The following PIN4 variants were observed in gnomAD, a reference collection of about 807,000 sequenced individuals.
PIN4 encodes peptidyl-prolyl cis-trans isomerase NIMA-interacting 4.
PIN4 carries 3 observed loss-of-function variants against 8.3 expected under a neutral mutation model. That is an observed-to-expected ratio of 0.36 (90% confidence interval 0.16 to 0.93). The LOEUF (loss-of-function observed/expected upper bound fraction) is 0.93. Ranked by LOEUF, PIN4 falls within the 40% of genes least tolerant of loss-of-function variation. The pLI is 0.44. For missense variants in PIN4, 75 were observed against 100.6 expected (o/e 0.75, Z 1.09); for synonymous variants, 18 against 32.5 (o/e 0.55, Z 1.52).
chrX:72,182,844 A>G (rs773493684), intron 1 of PIN4, among the ~76,000 whole-genome samples: 1 of 111,942 alleles, frequency 8.9e-6, no homozygotes, highest in South Asian at 3.7e-4. Context: ...TTGCTGGAGC[A>G]AAAACTCAAG....
intron 3 of PIN4, among the ~76,000 whole-genome samples, chrX:72,220,680 C>T (rs745322031): frequency 2.7e-5 from 3 of 110,208 alleles, no homozygotes; most frequent in Admixed American, 9.7e-5. Context: ...ATTCCAACCC[C>T]GCCATAAAAC....
At chrX:72,245,069 C>CAAAAAAA (rs35952560) in intron 3 of PIN4, among the ~76,000 whole-genome samples, 8 of 19,756 alleles carry the variant, frequency 4.0e-4, no homozygotes, top group African/African-American at 1.4e-3. Flanking sequence ...GAGATCCTGT[C>CAAAAAAA]AAAAAAAAAA....
At chrX:72,199,063 A>T (rs1156665118), downstream of PIN4, 1 of 108,480 alleles carries the variant, frequency 9.2e-6, no homozygotes, top group African/African-American at 3.4e-5. Context: ...AAAAAAATTT[A>T]AAGCTGAAAC....
chrX:72,194,038 G>A (rs1439056092), intron 2 of PIN4, among the ~76,000 whole-genome samples: 1 of 111,803 alleles, frequency 8.9e-6, no homozygotes, highest in Admixed American at 9.5e-5. Context: ...AATAACCTAA[G>A]GCTAATTTAA....
intron 2 of PIN4, among the ~76,000 whole-genome samples, chrX:72,193,067 T>C (rs972630488): frequency 1.8e-5 from 2 of 111,778 alleles, no homozygotes; most frequent in Admixed American, 1.9e-4. Context: ...AAACTCTTTC[T>C]GTAGCTTGGC....
intron 3 of PIN4, among the ~76,000 whole-genome samples, chrX:72,203,394 A>T (rs1003547534): frequency 8.9e-6 from 1 of 111,960 alleles, no homozygotes; most frequent in Non-Finnish European, 1.9e-5. Flanking sequence ...CCTAATTTGT[A>T]GCCAAGTCAG....
intron 3 of PIN4, among the ~76,000 whole-genome samples, chrX:72,209,475 C>T (rs185303041): frequency 8.9e-6 from 1 of 112,145 alleles, no homozygotes; most frequent in Non-Finnish European, 1.9e-5. Context: ...ATTTAGCCAC[C>T]CAAACTTCAA....
intron 3 of PIN4, among the ~76,000 whole-genome samples, chrX:72,251,268 C>A (rs2043086256): frequency 9.6e-6 from 1 of 103,653 alleles, no homozygotes; most frequent in South Asian, 4.8e-4. Context: ...GAGGCTGAGG[C>A]AGGAGAATGG....
intron 2 of PIN4, among the ~76,000 whole-genome samples, chrX:72,189,201 C>G (rs572983315): frequency 9.0e-6 from 1 of 111,142 alleles, no homozygotes; most frequent in East Asian, 2.8e-4. Flanking sequence ...AGAAATAATA[C>G]GTATTCCTTT....
intron 3 of PIN4, among the ~76,000 whole-genome samples, chrX:72,233,057 AGG>A (rs2042994919): frequency 8.9e-6 from 1 of 111,796 alleles, no homozygotes. Flanking sequence ...CCTCATCATA[AGG>A]GGGAAATGCA....
rs141564879 is a variant in PIN4, at chrX:72,228,624, C to T, written c.312+31720C>T. Among the ~76,000 whole-genome samples the T allele has an allele frequency of 7.4e-3, 831 of 111,905 alleles. 3 individuals are homozygous for T. The highest frequency in any genetic ancestry group is 0.032 in the Middle Eastern group (7 of 217). On this transcript the variant is annotated intron_variant, in intron 3 of 3. Transcript: ENST00000423432. ...AATCAACCTTGTTACAGTCCTTCAG[C>T]GGTACCCTTACGAAACTCCCATTAT...
At chrX:72,222,904 G>T (rs1278021651) in intron 3 of PIN4, among the ~76,000 whole-genome samples, 1 of 107,866 alleles carries the variant, frequency 9.3e-6, no homozygotes, top group Admixed American at 1.0e-4. Flanking sequence ...CCTGAATCCT[G>T]CCCTTTTCTT....
At chrX:72,206,924 G>T in intron 3 of PIN4, 1 of 1,210,617 alleles carries the variant, frequency 8.3e-7, no homozygotes, top group Non-Finnish European at 1.1e-6. Context: ...TATCGGAAAG[G>T]GTTCTTTTTT....
chrX:72,231,720 A>G (rs2147603333), intron 3 of PIN4, among the ~76,000 whole-genome samples: 1 of 110,582 alleles, frequency 9.0e-6, no homozygotes, highest in African/African-American at 3.3e-5. Context: ...CACACAACTA[A>G]TTTTTGTATT....
chrX:72,206,075 TGG>T, intron 3 of PIN4: 1 of 1,210,966 alleles, frequency 8.3e-7, no homozygotes, highest in South Asian at 1.8e-5. Flanking sequence ...ATGGAAATAA[TGG>T]GCCAAGGATT....
At chrX:72,188,407 G>A (rs1291781612) in intron 2 of PIN4, among the ~76,000 whole-genome samples, 1 of 111,036 alleles carries the variant, frequency 9.0e-6, no homozygotes, top group African/African-American at 3.3e-5. Context: ...GTCCAGGCTG[G>A]AGTGCAATGG....
chrX:72,198,917 T>C (rs189008680), downstream of PIN4: 1 of 110,623 alleles, frequency 9.0e-6, no homozygotes, highest in Non-Finnish European at 1.9e-5. Flanking sequence ...GACCAGCAGG[T>C]TGCCTAAAAA....
At chrX:72,235,583 C>T (rs151167667) in intron 3 of PIN4, among the ~76,000 whole-genome samples, 4 of 109,509 alleles carry the variant, frequency 3.7e-5, no homozygotes, top group Non-Finnish European at 7.6e-5. Context: ...TTTGTAGAAA[C>T]GGTTTCATCA....
chrX:72,213,124 G>T (rs760816741), intron 3 of PIN4, among the ~76,000 whole-genome samples: 1 of 112,089 alleles, frequency 8.9e-6, no homozygotes, highest in Admixed American at 9.4e-5. Flanking sequence ...GCGCATGTGA[G>T]TGGGGTTATT....
Sources: gnomAD v4.1 joint callset for allele counts (sites outside exome capture counted in the v4.1 genomes callset) on GRCh38, gnomAD v4.1.1 for gene constraint, MANE v1.5 for transcripts, NCBI Gene and HGNC (gene_info 2026-07-23, HGNC 2026-07-21) for gene names.